The following ZNF655 variants were observed in gnomAD, a reference collection of about 807,000 sequenced individuals.
ZNF655 encodes Vav-interacting Kruppel-like protein 1.
A neutral mutation model predicts 6.6 loss-of-function variants in ZNF655; 3 were observed. The ratio of observed to expected loss-of-function variants is 0.46; its 90% CI spans 0.21 to 1.18. The LOEUF is 1.18. ZNF655 is among the 50% of genes most tolerant of loss of function. The pLI is 0.24. For synonymous variants in ZNF655, 178 were observed against 195.0 expected, an observed-to-expected ratio of 0.91 and a Z score of 0.73; for missense variants, 526 against 572.3, an observed-to-expected ratio of 0.92 and a Z score of 0.83.
chr7:99,560,982 A>C, intron 2 of ZNF655: 1 of 253,604 alleles, frequency 3.9e-6, no homozygotes. Flanking sequence ...ATCCAGAATA[A>C]TTTCTAAGAT....
chr7:99,562,319 G>T, intron 2 of ZNF655: 1 of 1,608,674 alleles, frequency 6.2e-7, no homozygotes, highest in Non-Finnish European at 8.5e-7. Context: ...TCTGGCCATG[G>T]TGCTACAGTG....
At position 99,573,674 on chromosome 7, in the gene ZNF655, A is replaced by G. The variant is rs1584269370; in HGVS notation, c.*90A>G. 2 of 1,443,342 alleles carry G rather than the reference A, an allele frequency of 1.4e-6. No individual in the cohort carries two copies. The highest frequency in any genetic ancestry group is 2.3e-5 in the East Asian group (1 of 43,802). 89.4% of individuals were successfully genotyped at this position (1,443,342 alleles called of 1,614,324 possible). On this transcript the variant is annotated 3_prime_UTR_variant, in exon 3 of 3. Coordinates refer to ENST00000252713, the MANE Select transcript of ZNF655 (RefSeq NM_138494.3). The stretch of plus-strand genomic sequence containing the variant: ...CAGGGAGAAATCATGTATGTACTGC[A>G]TGTGGTAAAGCCTTCAGTCATAGCT...
intron 2 of ZNF655, among the ~76,000 whole-genome samples, chr7:99,567,553 A>G (rs1297823726): frequency 3.3e-5 from 5 of 151,416 alleles, no homozygotes; most frequent in Non-Finnish European, 5.9e-5. Context: ...AAAAGCATTC[A>G]CGTCAATGTC....
chr7:99,561,924 A>C, intron 2 of ZNF655: 1 of 1,594,802 alleles, frequency 6.3e-7, no homozygotes, highest in Non-Finnish European at 8.5e-7. Flanking sequence ...CTTCCCCGTG[A>C]GGGAAGCCCA....
Position 99,573,402 on chromosome 7 carries a change from A to G in ZNF655, c.1294A>G (p.Lys432Glu), listed in dbSNP as rs755616761. The G allele has an allele frequency of 1.9e-6, 3 of 1,614,074 alleles. No homozygotes were observed. The highest frequency in any genetic ancestry group is 1.7e-5 in the Admixed American group (1 of 60,008). The change falls in exon 3 of 3, where the codon AAA becomes GAA. Residue 432 changes from lysine to glutamate, a missense_variant. Coordinates refer to ENST00000252713, the MANE Select transcript of ZNF655 (RefSeq NM_138494.3). The part of the protein sequence containing the change: ...CLIQHHKMHR[K>E]EKSYECNEYE... Reference sequence around the variant, plus strand: ...TATTCAGCATCACAAAATGCATAGGAAAGAGAAATCGTATGAATGTAATGA... The same window carrying G: ...TATTCAGCATCACAAAATGCATAGGGAAGAGAAATCGTATGAATGTAATGA...
At position 99,572,308 on chromosome 7, in the gene ZNF655, A is replaced by G. The variant is rs757893883; in HGVS notation, c.200A>G (p.His67Arg). ...AAGCAGAAAATTTCGGAAGAAGTGC[A>G]TTCATACAAAGTGAGAGTAGGAAGA... ...IPKQKISEEV[H>R]SYKVRVGRLK... The change falls in exon 3 of 3, where the codon CAT (histidine) becomes CGT (arginine). Residue 67 changes from histidine to arginine, a missense_variant. Physicochemically the swap from His to Arg is conservative, Grantham distance 29. Coordinates refer to ENST00000252713, the MANE Select transcript of ZNF655 (RefSeq NM_138494.3). The G allele has an allele frequency of 1.9e-6, 3 of 1,613,112 alleles. No individual in the cohort carries two copies. Among genetic ancestry groups the G allele is most frequent in the African/African-American group, 1.3e-5 (1 of 74,902 alleles).
chr7:99,570,363 A>G (rs1158149869), intron 2 of ZNF655: 1 of 152,212 alleles, frequency 6.6e-6, no homozygotes, highest in Admixed American at 6.5e-5. Flanking sequence ...TTGACTCTAA[A>G]TGTCCCACAG....
intron 2 of ZNF655, among the ~76,000 whole-genome samples, chr7:99,568,229 A>T (rs1042294918): frequency 6.7e-6 from 1 of 150,308 alleles, no homozygotes; most frequent in East Asian, 1.9e-4. Context: ...CCTCAAATTT[A>T]TTATTGTTTG....
chr7:99,574,678 G>A lies in ZNF655; in HGVS notation c.*1094G>A, dbSNP rs910429253. On this transcript the variant is annotated 3_prime_UTR_variant, in exon 3 of 3. Coordinates refer to ENST00000252713, the MANE Select transcript of ZNF655 (RefSeq NM_138494.3). The stretch of plus-strand genomic sequence containing the variant: ...TAATGCACCAGTATTAAAACACATC[G>A]ACGTAAGTAGCTCATTTAGCTTTTT... 2.0e-5 allele frequency: 3 copies of A among 152,092 alleles called. No individual in the cohort carries two copies. The highest frequency in any genetic ancestry group is 4.4e-5 in the Non-Finnish European group (3 of 68,024). 9.4% of individuals were successfully genotyped at this position (152,092 alleles called of 1,614,324 possible).
intron 2 of ZNF655, chr7:99,564,397 T>G: frequency 9.6e-7 from 1 of 1,038,720 alleles, no homozygotes; most frequent in Non-Finnish European, 1.2e-6. Context: ...AACCCTGGGC[T>G]TCCCTCATGT....
At chr7:99,562,601 C>T in intron 2 of ZNF655, 1 of 1,162,716 alleles carries the variant, frequency 8.6e-7, no homozygotes, top group Non-Finnish European at 1.2e-6. Flanking sequence ...GGCTTAGATT[C>T]CAGGACTTAG....
At chr7:99,559,785 A>ATTTTTTT (rs60274417) in intron 1 of ZNF655, among the ~76,000 whole-genome samples, 2 of 119,286 alleles carry the variant, frequency 1.7e-5, no homozygotes, top group African/African-American at 3.4e-5. Flanking sequence ...GGGCCACCTA[A>ATTTTTTT]TTTTTTTTTT....
At position 99,572,694 on chromosome 7, in the gene ZNF655, C is replaced by T; in HGVS notation, c.586C>T (p.Leu196Phe). The stretch of plus-strand genomic sequence containing the variant: ...TGAATGTAAGGAAAGCTTAATGGAT[C>T]TCTCCCACCTTAATAAATGGGAGAG... The part of the protein sequence containing the change: ...SSECKESLMD[L>F]SHLNKWESIP... The change falls in exon 3 of 3, where the codon CTC becomes TTC. Residue 196 changes from leucine to phenylalanine, a missense_variant. Leu to Phe is a conservative substitution (Grantham distance 22). Coordinates refer to ENST00000252713, the MANE Select transcript of ZNF655 (RefSeq NM_138494.3). The T allele has an allele frequency of 6.2e-7, 1 of 1,613,502 alleles. No individual in the cohort carries two copies. The highest frequency in any genetic ancestry group is 8.5e-7 in the Non-Finnish European group (1 of 1,179,932).
At chr7:99,559,203 C>T (rs369900615) in intron 1 of ZNF655, among the ~76,000 whole-genome samples, 1 of 152,192 alleles carries the variant, frequency 6.6e-6, no homozygotes, top group Non-Finnish European at 1.5e-5. Flanking sequence ...CCGCTCAAAC[C>T]TGTTCGAACC....
Position 99,572,615 on chromosome 7 carries a change from T to A in ZNF655, c.507T>A (p.Asn169Lys), listed in dbSNP as rs1259655624. The part of the protein sequence containing the change: ...NDKYDMSFNQ[N>K]SASGKHEHLN... ...AGTATGACATGAGCTTCAACCAGAATTCAGCCTCTGGTAAACATGAACACT... is the reference window on the plus strand; with the variant it reads ...AGTATGACATGAGCTTCAACCAGAAATCAGCCTCTGGTAAACATGAACACT... The change falls in exon 3 of 3, where the codon AAT (asparagine) becomes AAA (lysine). Residue 169 changes from asparagine (N) to lysine (K), a missense_variant. Physicochemically the swap from Asn to Lys is moderately conservative, Grantham distance 94. Transcript: ENST00000252713. 1 of 1,613,490 alleles carries A rather than the reference T, an allele frequency of 6.2e-7. No individual in the cohort carries two copies. The highest frequency in any genetic ancestry group is 8.5e-7 in the Non-Finnish European group (1 of 1,179,868).
chr7:99,571,719 C>A (rs1804085438), intron 2 of ZNF655: 2 of 1,609,768 alleles, frequency 1.2e-6, no homozygotes, highest in Non-Finnish European at 1.7e-6. Context: ...ATGGGATCTC[C>A]CAGCTGGAAC....
intron 2 of ZNF655, chr7:99,564,371 G>C (rs1216364301): frequency 2.8e-6 from 3 of 1,085,292 alleles, no homozygotes; most frequent in South Asian, 6.6e-5. Flanking sequence ...CCCGTATGGT[G>C]CCTAACTCTC....
At chr7:99,568,735 CGT>C (rs1562936011) in intron 2 of ZNF655, among the ~76,000 whole-genome samples, 1 of 150,754 alleles carries the variant, frequency 6.6e-6, no homozygotes, top group East Asian at 2.0e-4. Context: ...TGGGATTACA[CGT>C]GTGAGCCACC....
At position 99,564,431 on chromosome 7, in the gene ZNF655, C is replaced by G. The variant is rs556166605; in HGVS notation, c.136+3736C>G. 4 of 1,020,568 alleles carry G rather than the reference C, an allele frequency of 3.9e-6. No individual in the cohort carries two copies. The South Asian group carries it at 1.2e-4, about 31-fold the overall frequency. 63.2% of individuals were successfully genotyped at this position (1,020,568 alleles called of 1,614,324 possible). ...GTTTAACATTCTGGTTTCCTCCTTC[C>G]TTGAAGTCCCTGTGGCCCTCTTCAA... On this transcript the variant is annotated intron_variant, in intron 2 of 2. Coordinates refer to ENST00000252713, the MANE Select transcript of ZNF655 (RefSeq NM_138494.3).
Sources: allele counts gnomAD v4.1 joint callset (sites outside exome capture counted in the v4.1 genomes callset), GRCh38; gene constraint gnomAD v4.1.1; transcripts MANE v1.5; gene names NCBI Gene and HGNC (gene_info 2026-07-23, HGNC 2026-07-21).